The following CLYBL variants were observed in gnomAD, a reference collection of about 807,000 sequenced individuals.
The protein encoded by CLYBL is citramalyl-CoA lyase.
A neutral mutation model predicts 38.9 loss-of-function variants in CLYBL; 31 were observed. The ratio of observed to expected loss-of-function variants is 0.80; its 90% CI spans 0.60 to 1.08. The LOEUF is 1.08. Among genes scored for constraint, CLYBL ranks in the 50% least tolerant of loss-of-function variants. The pLI is 0.00. For synonymous variants in CLYBL, 171 were observed against 158.6 expected, an observed-to-expected ratio of 1.08 and a Z score of -0.59; for missense variants, 434 against 411.6, an observed-to-expected ratio of 1.05 and a Z score of -0.47.
At chr13:99,863,521 A>G (rs943254845) in intron 4 of CLYBL, among the ~76,000 whole-genome samples, 14 of 152,236 alleles carry the variant, frequency 9.2e-5, no homozygotes, top group Admixed American at 7.8e-4. Flanking sequence ...ATTATCAGTA[A>G]TGTCTAGCAG....
intron 7 of CLYBL, among the ~76,000 whole-genome samples, chr13:99,889,601 G>T (rs936877845): frequency 6.6e-6 from 1 of 152,190 alleles, no homozygotes. Context: ...GGCCACACAG[G>T]TGTTCATGTG....
intron 2 of CLYBL, among the ~76,000 whole-genome samples, chr13:99,826,772 G>T (rs2050703354): frequency 6.6e-6 from 1 of 152,166 alleles, no homozygotes; most frequent in Admixed American, 6.5e-5. Flanking sequence ...ATCTGTCTTG[G>T]TTCTCATCAC....
chr13:99,841,434 C>G (rs1047375762), intron 2 of CLYBL, among the ~76,000 whole-genome samples: 128 of 152,334 alleles, frequency 8.4e-4, no homozygotes, highest in African/African-American at 2.7e-3. Context: ...CAGTCTCAGC[C>G]TGTCACCCAG....
chr13:99,773,581 G>A lies in CLYBL; in HGVS notation c.249+571G>A, dbSNP rs371016063. Among the ~76,000 whole-genome samples the A allele has an allele frequency of 9.1e-4, 138 of 152,208 alleles. 1 individual carries two copies. The highest frequency in any genetic ancestry group is 3.2e-3 in the African/African-American group (132 of 41,516). On this transcript the variant is annotated intron_variant, in intron 2 of 8. Coordinates refer to ENST00000339105, the MANE Select transcript of CLYBL (RefSeq NM_206808.5). ...GATCTGAGGTGGAACAGTTTCATCC[G>A]AAACCATTGCGCCGCCCCACCTCCC...
Position 99,804,600 on chromosome 13 carries a change from C to T in CLYBL, c.249+31590C>T, listed in dbSNP as rs571817513. Among the ~76,000 whole-genome samples the T allele has an allele frequency of 2.6e-5, 4 of 152,262 alleles. No individual in the cohort carries two copies. The South Asian group carries it at 8.3e-4, about 32-fold the overall frequency. Reference sequence around the variant, plus strand: ...CCTGCCCTGTAGTCTTCCTGTCTCGCCTGCCTTTATACCTGAAATGTTCCC... The same window carrying T: ...CCTGCCCTGTAGTCTTCCTGTCTCGTCTGCCTTTATACCTGAAATGTTCCC... On this transcript the variant is annotated intron_variant, in intron 2 of 8. Coordinates refer to ENST00000339105, the MANE Select transcript of CLYBL (RefSeq NM_206808.5).
At chr13:99,908,698 T>C (rs1480335716) in exon 10 of CLYBL, among the ~76,000 whole-genome samples, 1 of 152,224 alleles carries the variant, frequency 6.6e-6, no homozygotes, top group Admixed American at 6.5e-5. Context: ...AACAGACAAG[T>C]GTGTCCAATT....
intron 1 of CLYBL, among the ~76,000 whole-genome samples, chr13:99,725,566 G>A (rs887705624): frequency 6.6e-6 from 1 of 152,194 alleles, no homozygotes. Flanking sequence ...CTAGTACTAT[G>A]CTGTAGAAAC....
chr13:99,867,004 G>C (rs2051765224), intron 6 of CLYBL, among the ~76,000 whole-genome samples: 1 of 152,122 alleles, frequency 6.6e-6, no homozygotes, highest in Non-Finnish European at 1.5e-5. Context: ...GCACAGGCGG[G>C]TATCTGTTGA....
intron 1 of CLYBL, among the ~76,000 whole-genome samples, chr13:99,686,298 C>T (rs935789033): frequency 9.9e-5 from 15 of 152,172 alleles, no homozygotes; most frequent in Non-Finnish European, 4.4e-5. Context: ...GGGCCTGACT[C>T]GCAGGAGCCG....
intron 2 of CLYBL, among the ~76,000 whole-genome samples, chr13:99,842,713 T>TA (rs61340475): frequency 0.5 from 73,349 of 148,084 alleles, 18,487 homozygotes; most frequent in East Asian, 0.67. Flanking sequence ...CCCTTTTTTT[T>TA]AAAAAAAAAA....
chr13:99,857,043 C>T (rs750020127), intron 2 of CLYBL, among the ~76,000 whole-genome samples: 3 of 151,682 alleles, frequency 2.0e-5, no homozygotes, highest in East Asian at 1.9e-4. Context: ...GGCCGGGCAC[C>T]GTGGCTCACA....
rs1277533659 is a variant in CLYBL, at chr13:99,904,592, G to A, written c.*25-678G>A. Among the ~76,000 whole-genome samples, 3 of 152,300 alleles carry A rather than the reference G, an allele frequency of 2.0e-5. No homozygotes were observed. In the East Asian group the frequency reaches 5.8e-4, roughly 29 times the overall value. ...TTTCGAAATCAGCCACACGTGTATG[G>A]ATGGCTGTCCTATAAATGTCACCTA... is the stretch of plus-strand genomic sequence containing the variant. On this transcript the variant is annotated intron_variant and NMD_transcript_variant, in intron 8 of 9. Coordinates refer to the CLYBL transcript ENST00000689673.
chr13:99,801,458 G>A (rs1323541024), intron 2 of CLYBL, among the ~76,000 whole-genome samples: 1 of 150,920 alleles, frequency 6.6e-6, no homozygotes, highest in Non-Finnish European at 1.5e-5. Flanking sequence ...TTATCAGCCT[G>A]AATGTGACAT....
intron 2 of CLYBL, among the ~76,000 whole-genome samples, chr13:99,805,043 C>G (rs1198673692): frequency 6.6e-6 from 1 of 152,226 alleles, no homozygotes. Flanking sequence ...GCTTATTTCA[C>G]TCCGCCTATT....
intron 1 of CLYBL, among the ~76,000 whole-genome samples, chr13:99,727,016 A>G (rs57517226): frequency 0.015 from 2,232 of 151,262 alleles, 45 homozygotes; most frequent in African/African-American, 0.051. Flanking sequence ...AAAATTAGAC[A>G]GGCATGGTGT....
At chr13:99,814,371 C>G (rs2050400090) in intron 2 of CLYBL, among the ~76,000 whole-genome samples, 2 of 152,186 alleles carry the variant, frequency 1.3e-5, no homozygotes, top group African/African-American at 4.8e-5. Flanking sequence ...GGCATGGGAA[C>G]TTAACCTCCT....
chr13:99,644,111 TATGTATGTATATGTGGTG>T (rs1315828796), intron 1 of CLYBL, among the ~76,000 whole-genome samples: 1 of 143,048 alleles, frequency 7.0e-6, no homozygotes, highest in East Asian at 2.0e-4. Context: ...ATATGTGGTG[TATGTATGTATATGTGGTG>T]TATGTATGTA....
intron 1 of CLYBL, among the ~76,000 whole-genome samples, chr13:99,691,662 G>A (rs562559680): frequency 2.6e-5 from 4 of 152,150 alleles, no homozygotes; most frequent in East Asian, 1.9e-4. Context: ...ATCACTGTAC[G>A]TGATAAGAAA....
chr13:99,621,185 C>T (rs917244879), intron 1 of CLYBL, among the ~76,000 whole-genome samples: 1 of 152,094 alleles, frequency 6.6e-6, no homozygotes, highest in Non-Finnish European at 1.5e-5. Flanking sequence ...ATCATGGTGC[C>T]CACCCCCTTG....
Sources: allele counts gnomAD v4.1 joint callset (sites outside exome capture counted in the v4.1 genomes callset), GRCh38; gene constraint gnomAD v4.1.1; transcripts MANE v1.5; gene names NCBI Gene and HGNC (gene_info 2026-07-23, HGNC 2026-07-21).